Variants in RNF216 observed in about 807,000 individuals in gnomAD.
RNF216 encodes the protein E3 ubiquitin-protein ligase RNF216.
A neutral mutation model predicts 110.8 loss-of-function variants in RNF216; 72 were observed. That is an observed-to-expected ratio of 0.65 (90% confidence interval 0.54 to 0.79). The LOEUF (loss-of-function observed/expected upper bound fraction) is 0.79. Among genes scored for constraint, RNF216 ranks in the 30% least tolerant of loss-of-function variants. The pLI is 0.00. For synonymous variants in RNF216, 495 were observed against 407.5 expected (o/e 1.21, Z -2.59); for missense variants, 1,342 against 1,141.2 (o/e 1.18, Z -2.54).
rs765448062 is a variant in RNF216, at chr7:5,641,246, T to C, written c.2290A>G (p.Ile764Val). ...TGGCAGAAATGGTCATATCCATTAA[T>C]AGAAACTCGACAGAGGTAGCACATC... The part of the protein sequence containing the change: ...AQMCYLCRVS[I>V]NGYDHFCQHP... Residue 764 changes from isoleucine to valine, a missense_variant, in exon 15 of 17, where the codon ATT becomes GTT. Ile to Val is a conservative substitution (Grantham distance 29). Coordinates refer to ENST00000389902, the MANE Select transcript of RNF216 (RefSeq NM_207111.4). 2.6e-5 allele frequency: 42 copies of C among 1,614,046 alleles called. No homozygotes were observed. Among genetic ancestry groups the C allele is most frequent in the Non-Finnish European group, 3.0e-5 (35 of 1,180,042 alleles).
At chr7:5,643,811 C>G (rs533040698) in intron 14 of RNF216, among the ~76,000 whole-genome samples, 1 of 152,156 alleles carries the variant, frequency 6.6e-6, no homozygotes, top group South Asian at 2.1e-4. Flanking sequence ...AAAGGAAACC[C>G]TGTACCCACT....
chr7:5,748,652 ACACAC>A (rs1562458530), intron 3 of RNF216, among the ~76,000 whole-genome samples: 3 of 148,330 alleles, frequency 2.0e-5, no homozygotes, highest in Non-Finnish European at 4.5e-5. Context: ...ACACACACAC[ACACAC>A]ATAATATACT....
In RNF216 at chr7:5,622,992, C is replaced by T; in HGVS notation, c.2640G>A (p.Met880Ile). ...RPVFNNFPLN[M>I]GPIPAPYVPP... The stretch of plus-strand genomic sequence containing the variant: ...GCACGTACGGGGCTGGGATAGGCCC[C>T]ATGTTGAGTGGGAAGTTGTTGAACA... The change falls in exon 17 of 17, where the codon ATG becomes ATA. Residue 880 changes from methionine to isoleucine, a missense_variant. By Grantham distance (10) the Met-to-Ile change is conservative. Coordinates refer to ENST00000389902, the MANE Select transcript of RNF216 (RefSeq NM_207111.4). The T allele has an allele frequency of 1.2e-6, 2 of 1,614,066 alleles. No homozygotes were observed. The highest frequency in any genetic ancestry group is 1.7e-6 in the Non-Finnish European group (2 of 1,180,008).
chr7:5,634,291 C>T (rs796824584), intron 15 of RNF216, among the ~76,000 whole-genome samples: 71 of 152,288 alleles, frequency 4.7e-4, no homozygotes, highest in African/African-American at 1.7e-3. Flanking sequence ...ACTGGTGCTT[C>T]CCCTCTGAGA....
intron 13 of RNF216, among the ~76,000 whole-genome samples, chr7:5,698,177 T>C (rs1791742689): frequency 6.6e-6 from 1 of 152,212 alleles, no homozygotes; most frequent in African/African-American, 2.4e-5. Flanking sequence ...CTCGGTTTTC[T>C]AGAAATCAGT....
chr7:5,740,837 T>G (rs976363544), intron 4 of RNF216, 136 bp downstream of exon 4: 2 of 779,378 alleles, frequency 2.6e-6, no homozygotes, highest in East Asian at 5.5e-5. Context: ...TCTTCTATTC[T>G]GTACATCTAG....
intron 1 of RNF216, among the ~76,000 whole-genome samples, chr7:5,767,710 T>G (rs1033685674): frequency 6.6e-4 from 100 of 152,174 alleles, no homozygotes; most frequent in African/African-American, 2.3e-3. Flanking sequence ...GCCATTTTCC[T>G]GCCTCAGCCT....
intron 9 of RNF216, among the ~76,000 whole-genome samples, chr7:5,716,968 C>G (rs1213232831): frequency 6.6e-6 from 1 of 152,174 alleles, no homozygotes; most frequent in Non-Finnish European, 1.5e-5. Context: ...TTAAGTATGA[C>G]TCAAAATGTA....
Position 5,723,110 on chromosome 7 carries a change from T to C in RNF216, c.1505-1938A>G, listed in dbSNP as rs185065613. On this transcript the variant is annotated intron_variant, in intron 8 of 16. Transcript: ENST00000389902. ...TAACCTCTCTGTGCTTCACTTTTTT[T>C]CTATAAAATGATAATAATGGCACAT... is the stretch of plus-strand genomic sequence containing the variant. Among the ~76,000 whole-genome samples the C allele has an allele frequency of 3.9e-3, 587 of 152,278 alleles. 3 individuals are homozygous for C. Among genetic ancestry groups the C allele is most frequent in the African/African-American group, 0.014 (567 of 41,560 alleles).
intron 13 of RNF216, among the ~76,000 whole-genome samples, chr7:5,684,606 C>T (rs1202454519): frequency 1.3e-5 from 2 of 152,164 alleles, no homozygotes; most frequent in African/African-American, 2.4e-5. Context: ...TAAAGCCCAT[C>T]CCATGTAGCC....
intron 13 of RNF216, among the ~76,000 whole-genome samples, chr7:5,700,258 T>C (rs1276715007): frequency 1.3e-5 from 2 of 152,184 alleles, no homozygotes. Context: ...GCCGCACACG[T>C]GCACTCACAC....
chr7:5,706,405 G>A (rs770642803), intron 13 of RNF216, among the ~76,000 whole-genome samples: 9 of 152,066 alleles, frequency 5.9e-5, no homozygotes, highest in Non-Finnish European at 1.2e-4. Context: ...CCCAGCCTCT[G>A]GCACCCAGGG....
At chr7:5,626,416 AAAAAAAAAAAGAAAAAAAGAAAT>A (rs982517727) in intron 15 of RNF216, among the ~76,000 whole-genome samples, 1 of 151,820 alleles carries the variant, frequency 6.6e-6, no homozygotes, top group Non-Finnish European at 1.5e-5. Flanking sequence ...AAAGACTAAA[AAAAAAAAAAAGAAAAAAAGAAAT>A]GAACCAAAAA....
chr7:5,684,762 T>G (rs1790871611), intron 13 of RNF216, among the ~76,000 whole-genome samples: 1 of 152,196 alleles, frequency 6.6e-6, no homozygotes. Context: ...TCACATATAG[T>G]TAGGAAAAAC....
At chr7:5,698,660 C>T (rs1791779185) in intron 13 of RNF216, among the ~76,000 whole-genome samples, 1 of 152,140 alleles carries the variant, frequency 6.6e-6, no homozygotes, top group South Asian at 2.1e-4. Flanking sequence ...TCCCAAAGTG[C>T]TGGAATTATA....
At chr7:5,623,501 T>A (rs1005899972) in intron 16 of RNF216, among the ~76,000 whole-genome samples, 1 of 151,732 alleles carries the variant, frequency 6.6e-6, no homozygotes. Flanking sequence ...GGTTTTGCCA[T>A]GTTGCCCGGG....
rs1012281569 is a variant in RNF216 at position 5,696,641 on chromosome 7, G to C, written c.2061+15120C>G. The stretch of plus-strand genomic sequence containing the variant: ...CTCTTCCTTGGCTGCTGCCATCCTC[G>C]CTTTTGACTACTGCCCCACGTCTCC... On this transcript the variant is annotated intron_variant, in intron 13 of 16. Coordinates refer to ENST00000389902, the MANE Select transcript of RNF216 (RefSeq NM_207111.4). The surrounding 1 kb of genome is among the most constrained non-coding windows in gnomAD (Gnocchi z 5.4). Among the ~76,000 whole-genome samples, 1 of 152,058 alleles carries C rather than the reference G, an allele frequency of 6.6e-6. No individual in the cohort carries two copies.
In RNF216 at chr7:5,645,024, C is replaced by A. The variant is rs796480846; in HGVS notation, c.2160-3648G>T. ...ATTTTTAGGCGTTTCATCATATTGG[C>A]CAGGGTCATCTCGAACTCCTGATCT... On this transcript the variant is annotated intron_variant, in intron 14 of 16. Coordinates refer to ENST00000389902, the MANE Select transcript of RNF216 (RefSeq NM_207111.4). 5.3e-4 allele frequency among the ~76,000 whole-genome samples: 80 copies of A among 151,972 alleles called. 1 individual carries two copies. The highest frequency in any genetic ancestry group is 1.9e-3 in the African/African-American group (79 of 41,434).
At chr7:5,623,976 C>G in intron 16 of RNF216, 80 bp downstream of exon 16, 1 of 1,266,324 alleles carries the variant, frequency 7.9e-7, no homozygotes, top group East Asian at 2.3e-5. Flanking sequence ...GGTTGAGTGC[C>G]AGGACACTCA....
Sources: allele counts gnomAD v4.1 joint callset (sites outside exome capture counted in the v4.1 genomes callset), GRCh38; gene constraint gnomAD v4.1.1; non-coding constraint Gnocchi (gnomAD v3.1); transcripts MANE v1.5; gene names NCBI Gene and HGNC (gene_info 2026-07-23, HGNC 2026-07-21).